The following XRCC5 variants were observed in gnomAD, a reference collection of about 807,000 sequenced individuals.
XRCC5 encodes X-ray repair cross complementing 5, also known as DNA repair protein Ku80.
XRCC5 carries 12 observed loss-of-function variants against 95.7 expected under a neutral mutation model. The ratio of observed to expected loss-of-function variants is 0.13; its 90% CI spans 0.08 to 0.20. XRCC5 has a LOEUF of 0.20. Among genes scored for constraint, XRCC5 ranks in the 10% least tolerant of loss-of-function variants. The pLI is 1.00. For missense variants in XRCC5, 595 were observed against 873.9 expected, an observed-to-expected ratio of 0.68 and a Z score of 4.02; for synonymous variants, 281 against 290.3, an observed-to-expected ratio of 0.97 and a Z score of 0.33.
intron 15 of XRCC5, among the ~76,000 whole-genome samples, chr2:216,160,678 A>AATTT (rs1688935379): frequency 6.6e-6 from 1 of 151,678 alleles, no homozygotes; most frequent in South Asian, 2.1e-4. Flanking sequence ...TTAATTAATT[A>AATTT]ATTAATTAAT....
intron 14 of XRCC5, among the ~76,000 whole-genome samples, chr2:216,157,398 T>C (rs924418643): frequency 1.3e-5 from 2 of 151,840 alleles, no homozygotes; most frequent in African/African-American, 4.8e-5. Flanking sequence ...CATGCCCGGC[T>C]AATGTTTTGT....
intron 8 of XRCC5, among the ~76,000 whole-genome samples, chr2:216,130,150 C>T (rs951123582): frequency 6.6e-6 from 1 of 151,672 alleles, no homozygotes; most frequent in Non-Finnish European, 1.5e-5. Flanking sequence ...GATTTTGATG[C>T]TCCTTCTTCC....
At chr2:216,124,718 C>T (rs556969100) in intron 6 of XRCC5, among the ~76,000 whole-genome samples, 2 of 152,152 alleles carry the variant, frequency 1.3e-5, no homozygotes, top group Non-Finnish European at 2.9e-5. Context: ...TTCTCTTTAC[C>T]ACTTTGTAGA....
At chr2:216,185,751 C>T (rs911684663) in intron 16 of XRCC5, among the ~76,000 whole-genome samples, 1 of 151,148 alleles carries the variant, frequency 6.6e-6, no homozygotes, top group Non-Finnish European at 1.5e-5. Flanking sequence ...TCTCGGCTCA[C>T]TGCACCCTCC....
At chr2:216,127,515 C>T (rs994537106) in intron 7 of XRCC5, 21 bp from the exon 8 acceptor site, 3 of 1,573,880 alleles carry the variant, frequency 1.9e-6, no homozygotes, top group Admixed American at 2.1e-5. Context: ...CTTGTTTTCC[C>T]TTTGTGTTTT....
chr2:216,134,502 A>G (rs1243377049), intron 10 of XRCC5, among the ~76,000 whole-genome samples: 3 of 145,296 alleles, frequency 2.1e-5, no homozygotes, highest in Non-Finnish European at 4.5e-5. Context: ...TTCTCGGTTC[A>G]CTGTAACCCC....
At chr2:216,158,821 C>G (rs938588849) in intron 14 of XRCC5, among the ~76,000 whole-genome samples, 2 of 152,136 alleles carry the variant, frequency 1.3e-5, no homozygotes, top group East Asian at 3.8e-4. Flanking sequence ...AGAGGAAATT[C>G]ATTATTGAAA....
At chr2:216,147,599 T>C (rs1318536402) in intron 13 of XRCC5, among the ~76,000 whole-genome samples, 2 of 152,090 alleles carry the variant, frequency 1.3e-5, no homozygotes, top group African/African-American at 4.8e-5. Context: ...TTTGCAGACC[T>C]CTCTCTGGGA....
chr2:216,179,608 G>A (rs895102825), intron 16 of XRCC5, among the ~76,000 whole-genome samples: 1 of 152,192 alleles, frequency 6.6e-6, no homozygotes, highest in Non-Finnish European at 1.5e-5. Flanking sequence ...GGATATCTGG[G>A]AGGAGAGCTT....
At position 216,190,217 on chromosome 2, in the gene XRCC5, T is replaced by C; in HGVS notation, c.1835-8T>C. ...AAATCTAAGAAAATTTGTTGTCTTA[T>C]GTTTTAGCGAGTAACCAGCTCATAA... is the stretch of plus-strand genomic sequence containing the variant. On this transcript the variant is annotated splice_polypyrimidine_tract_variant and splice_region_variant and intron_variant, in intron 16 of 20. Transcript: ENST00000392132. 1 of 1,612,842 alleles carries C rather than the reference T, an allele frequency of 6.2e-7. No individual in the cohort carries two copies. Among genetic ancestry groups the C allele is most frequent in the Non-Finnish European group, 8.5e-7 (1 of 1,179,392 alleles).
intron 9 of XRCC5, among the ~76,000 whole-genome samples, chr2:216,132,080 C>T (rs1047979979): frequency 6.6e-6 from 1 of 152,330 alleles, no homozygotes; most frequent in African/African-American, 2.4e-5. Context: ...TCTATTGAAG[C>T]TCCTCAAGGG....
At chr2:216,131,026 T>C (rs1335465240) in intron 9 of XRCC5, 39 bp downstream of exon 9, 1 of 1,543,058 alleles carries the variant, frequency 6.5e-7, no homozygotes, top group Non-Finnish European at 8.9e-7. Context: ...TTTTCCTAGC[T>C]GTTATTTGAA....
At chr2:216,201,667 G>A (rs1689835665) in intron 19 of XRCC5, among the ~76,000 whole-genome samples, 1 of 152,096 alleles carries the variant, frequency 6.6e-6, no homozygotes, top group African/African-American at 2.4e-5. Context: ...TCAGCATATT[G>A]CAGAGGGAAA....
intron 16 of XRCC5, chr2:216,175,688 T>C: frequency 2.4e-6 from 1 of 424,106 alleles, no homozygotes; most frequent in Non-Finnish European, 4.5e-6. Context: ...CAGAATCCTC[T>C]CTAGAAACAA....
chr2:216,190,714 T>C (rs576348339), intron 17 of XRCC5, among the ~76,000 whole-genome samples: 1 of 152,276 alleles, frequency 6.6e-6, no homozygotes, highest in African/African-American at 2.4e-5. Flanking sequence ...TTGGTATAAT[T>C]ATTGAGAAAG....
At chr2:216,204,130 C>G (rs1387663769) in intron 19 of XRCC5, 192 bp from the exon 20 acceptor site, 1 of 607,162 alleles carries the variant, frequency 1.6e-6, no homozygotes, top group Non-Finnish European at 2.9e-6. Context: ...CTACTTGAAC[C>G]TCAAAACTGG....
chr2:216,169,625 C>T (rs182986602), intron 16 of XRCC5, among the ~76,000 whole-genome samples: 88 of 152,106 alleles, frequency 5.8e-4, no homozygotes, highest in Non-Finnish European at 9.1e-4. Flanking sequence ...TTAAGGGGTG[C>T]GACTTAACCC....
At chr2:216,131,620 T>C (rs1252319274) in intron 9 of XRCC5, among the ~76,000 whole-genome samples, 1 of 152,150 alleles carries the variant, frequency 6.6e-6, no homozygotes, top group African/African-American at 2.4e-5. Flanking sequence ...TTGATTTAAT[T>C]TCTCTTTCTT....
intron 13 of XRCC5, among the ~76,000 whole-genome samples, chr2:216,145,191 G>A (rs1422871652): frequency 6.6e-6 from 1 of 152,040 alleles, no homozygotes; most frequent in Non-Finnish European, 1.5e-5. Context: ...AGAAAGAGAG[G>A]ACACAGTAAT....
Sources: allele counts gnomAD v4.1 joint callset (sites outside exome capture counted in the v4.1 genomes callset), GRCh38; gene constraint gnomAD v4.1.1; transcripts MANE v1.5; gene names NCBI Gene and HGNC (gene_info 2026-07-23, HGNC 2026-07-21).